Variants in PTGES2 observed in about 807,000 individuals in gnomAD.
PTGES2 encodes prostaglandin E synthase 2.
Under a neutral mutation model 44.5 loss-of-function variants are expected in PTGES2, and 35 were observed. That is an observed-to-expected ratio of 0.79 (90% confidence interval 0.60 to 1.04). The LOEUF (loss-of-function observed/expected upper bound fraction) is 1.04, where lower values mean the gene tolerates loss of function less well. Among genes scored for constraint, PTGES2 ranks in the 50% least tolerant of loss-of-function variants. PTGES2 has a pLI of 0.00. For synonymous variants in PTGES2, 221 were observed against 227.5 expected (o/e 0.97, Z 0.26); for missense variants, 517 against 521.4 (o/e 0.99, Z 0.08).
chr9:128,122,587 C>T, intron 5 of PTGES2, 108 bp from the exon 6 acceptor site: 1 of 902,378 alleles, frequency 1.1e-6, no homozygotes, highest in Non-Finnish European at 1.8e-6. Flanking sequence ...AGGACGGCAC[C>T]CCAGGTGAGA....
At position 128,127,714 on chromosome 9, in the gene PTGES2, C is replaced by G; in HGVS notation, c.4G>C (p.Asp2His). M[D>H]PAARVVRALW... ...GCCCGCACCACCCGCGCAGCCGGGTCCATGTTCGCTCCGCCGGCGCCGCGG... is the reference window on the plus strand; with the variant it reads ...GCCCGCACCACCCGCGCAGCCGGGTGCATGTTCGCTCCGCCGGCGCCGCGG... Residue 2 changes from aspartate (D) to histidine (H), a missense_variant, in exon 1 of 7, where the codon GAC becomes CAC. By Grantham distance (81) the Asp-to-His change is moderately conservative. Coordinates refer to ENST00000338961, the MANE Select transcript of PTGES2 (RefSeq NM_025072.7). 7.9e-7 allele frequency: 1 copy of G among 1,267,018 alleles called. No individual in the cohort carries two copies. Among genetic ancestry groups the G allele is most frequent in the Non-Finnish European group, 9.9e-7 (1 of 1,007,774 alleles). 78.5% of individuals were successfully genotyped at this position (1,267,018 alleles called of 1,614,324 possible).
Position 128,120,973 on chromosome 9 carries a change from C to T in PTGES2, c.*172G>A. The stretch of plus-strand genomic sequence containing the variant: ...AGGGCTGGAACTCGTCCCTAACATC[C>T]CTGAGCCCCAGCAGGTGCCCTGTGT... On this transcript the variant is annotated 3_prime_UTR_variant, in exon 7 of 7. Transcript: ENST00000338961. 3 of 835,180 alleles carry T rather than the reference C, an allele frequency of 3.6e-6. No homozygotes were observed. In the South Asian group the frequency reaches 5.3e-5, roughly 15 times the overall value. 51.7% of individuals were successfully genotyped at this position (835,180 alleles called of 1,614,324 possible).
In PTGES2 at chr9:128,122,517, CA is replaced by C. The variant is rs766569563; in HGVS notation, c.888-39del. The stretch of plus-strand genomic sequence containing the variant: ...GGGAAAAGCCCCTCAGGGGAGCCCC[CA>C]CTCCCAGCCCAGCAGGGAAGAGGGT... On this transcript the variant is annotated intron_variant, in intron 5 of 6. Transcript: ENST00000338961. 1.1e-4 allele frequency: 165 copies of C among 1,563,172 alleles called. 1 individual carries two copies. In the Admixed American group the frequency reaches 2.7e-3, roughly 25 times the overall value.
In PTGES2 at chr9:128,123,652, G is replaced by C. The variant is rs773041169; in HGVS notation, c.686+50C>G. ...TTGCTCAGCTTGGTCCTACTCTACA[G>C]AAGACCCCTGCGGTCACCACCTTCC... On this transcript the variant is annotated intron_variant, in intron 4 of 6. Transcript: ENST00000338961. The surrounding 1 kb of genome is among the most constrained non-coding windows in gnomAD (Gnocchi z 4.4). 6.3e-7 allele frequency: 1 copy of C among 1,578,266 alleles called. No homozygotes were observed. The highest frequency in any genetic ancestry group is 8.6e-7 in the Non-Finnish European group (1 of 1,156,204).
At position 128,123,918 on chromosome 9, in the gene PTGES2, G is replaced by A. The variant is rs552100658; in HGVS notation, c.537-67C>T. 30 of 1,557,762 alleles carry A rather than the reference G, an allele frequency of 1.9e-5. No homozygotes were observed. The highest frequency in any genetic ancestry group is 5.4e-5 in the African/African-American group (4 of 73,982). On this transcript the variant is annotated intron_variant, in intron 3 of 6. Transcript: ENST00000338961. The surrounding 1 kb of genome is among the most constrained non-coding windows in gnomAD (Gnocchi z 4.4). ...CCGTCCCCTGTGGCCGACCAACCCC[G>A]CTGCCCCAGCCTCAGAGTGGAGCCA... is the stretch of plus-strand genomic sequence containing the variant.
At chr9:128,127,191 C>CAAAAAAAAAAAAAAAAAAAAAA in intron 1 of PTGES2, among the ~76,000 whole-genome samples, 1 of 24,490 alleles carries the variant, frequency 4.1e-5, no homozygotes, top group Non-Finnish European at 8.2e-5. Context: ...ATAAACAAAC[C>CAAAAAAAAAAAAAAAAAAAAAA]AAAAAAAAAA....
At position 128,122,950 on chromosome 9, in the gene PTGES2, T is replaced by C; in HGVS notation, c.871A>G (p.Lys291Glu). The C allele has an allele frequency of 6.2e-7, 1 of 1,614,078 alleles. No homozygotes were observed. Among genetic ancestry groups the C allele is most frequent in the Non-Finnish European group, 8.5e-7 (1 of 1,180,020 alleles). The stretch of plus-strand genomic sequence containing the variant: ...CACACTTGCCTGCTCTTGAGTCGCT[T>C]GCTGATGAGGTACATGGCCGCTGCA... ...MGAAAMYLIS[K>E]RLKSRHRLQD... Residue 291 changes from lysine (K) to glutamate (E), a missense_variant, in exon 5 of 7, where the codon AAG becomes GAG. Coordinates refer to ENST00000338961, the MANE Select transcript of PTGES2 (RefSeq NM_025072.7).
intron 6 of PTGES2, among the ~76,000 whole-genome samples, chr9:128,121,622 T>C (rs1286200295): frequency 6.6e-6 from 1 of 152,070 alleles, no homozygotes; most frequent in African/African-American, 2.4e-5. Context: ...GTTTTAAAAA[T>C]GAGCAGTGGG....
At chr9:128,122,556 G>T in intron 5 of PTGES2, 77 bp from the exon 6 acceptor site, 1 of 1,286,642 alleles carries the variant, frequency 7.8e-7, no homozygotes, top group Non-Finnish European at 1.1e-6. Context: ...CCTCTGGGGA[G>T]AGGGGGGAGG....
chr9:128,127,786 G>T, upstream of PTGES2: 1 of 1,226,198 alleles, frequency 8.2e-7, no homozygotes, highest in Non-Finnish European at 1.0e-6. Flanking sequence ...GCGTTTAAAG[G>T]GCCAGGACTC....
At chr9:128,122,719 G>A (rs1039994497) in intron 5 of PTGES2, 1 of 642,560 alleles carries the variant, frequency 1.6e-6, no homozygotes, top group African/African-American at 1.8e-5. Context: ...CAGGCTTCCG[G>A]CTTCAAGGCC....
At chr9:128,121,329 C>T in intron 6 of PTGES2, 56 bp from the exon 7 acceptor site, 2 of 1,566,612 alleles carry the variant, frequency 1.3e-6, no homozygotes, top group Non-Finnish European at 1.7e-6. Context: ...ATCCAGACCT[C>T]CTTCGTTCCC....
At chr9:128,121,351 T>G in intron 6 of PTGES2, 78 bp from the exon 7 acceptor site, 2 of 1,531,004 alleles carry the variant, frequency 1.3e-6, no homozygotes, top group Non-Finnish European at 1.8e-6. Context: ...GCCAGCTGTG[T>G]GGCCAGGTCC....
At chr9:128,125,568 G>T in intron 1 of PTGES2, 127 bp from the exon 2 acceptor site, 1 of 850,558 alleles carries the variant, frequency 1.2e-6, no homozygotes, top group Non-Finnish European at 1.8e-6. Context: ...AACTAGAGAT[G>T]GAAGGGGGCG....
In PTGES2 at chr9:128,123,139, G is replaced by A. The variant is rs202058563; in HGVS notation, c.687-5C>T. ...TGCCGCCACTTCATCTCCTCCCTGC[G>A]GGCACGGGAGGGACTTCCTAAGCCA... On this transcript the variant is annotated splice_polypyrimidine_tract_variant and splice_region_variant and intron_variant, in intron 4 of 6. Transcript: ENST00000338961. The surrounding 1 kb of genome is among the most constrained non-coding windows in gnomAD (Gnocchi z 4.4). 2.0e-4 allele frequency: 316 copies of A among 1,606,968 alleles called. 1 individual carries two copies. The highest frequency in any genetic ancestry group is 3.5e-4 in the South Asian group (32 of 91,004).
upstream of PTGES2, chr9:128,127,820 G>C: frequency 8.9e-7 from 1 of 1,118,790 alleles, no homozygotes; most frequent in Non-Finnish European, 1.1e-6. Context: ...GTTGGCCGGG[G>C]TGAGGGCGAC....
chr9:128,120,864 C>T lies in PTGES2; in HGVS notation c.*281G>A, dbSNP rs1834380283. ...AGGGCCCCCACCCACAGGATGTAGC[C>T]ATGGGACAGCCACTGAGGGTCCAGG... On this transcript the variant is annotated 3_prime_UTR_variant, in exon 7 of 7. Transcript: ENST00000338961. 2.1e-6 allele frequency: 1 copy of T among 472,052 alleles called. No homozygotes were observed. The highest frequency in any genetic ancestry group is 2.8e-5 in the South Asian group (1 of 35,670). 29.2% of individuals were successfully genotyped at this position (472,052 alleles called of 1,614,324 possible).
At position 128,123,996 on chromosome 9, in the gene PTGES2, G is replaced by A. The variant is rs1047752620; in HGVS notation, c.537-145C>T. The A allele has an allele frequency of 9.9e-6, 9 of 904,574 alleles. No homozygotes were observed. The African/African-American group carries it at 1.5e-4, about 15-fold the overall frequency. 56.0% of individuals were successfully genotyped at this position (904,574 alleles called of 1,614,324 possible). A position where few individuals can be genotyped will look rare whatever the true frequency, so the allele number is the denominator to read the frequency against. ...GCAGTAAGAGGGATTTGGAGTAGAT[G>A]CCAGGGCTACCTCCCCAAGAGAGGG... On this transcript the variant is annotated intron_variant, in intron 3 of 6. Coordinates refer to ENST00000338961, the MANE Select transcript of PTGES2 (RefSeq NM_025072.7). This position sits in a 1 kb window ranked among gnomAD's most constrained non-coding sequence, Gnocchi z 4.4.
chr9:128,125,918 T>C (rs1485790635), intron 1 of PTGES2, among the ~76,000 whole-genome samples: 2 of 152,218 alleles, frequency 1.3e-5, no homozygotes, highest in African/African-American at 4.8e-5. Context: ...TCTTGTTTTT[T>C]TCTCTGGAGA....
Sources: gnomAD v4.1 joint callset for allele counts (sites outside exome capture counted in the v4.1 genomes callset) on GRCh38, gnomAD v4.1.1 for gene constraint, Gnocchi (gnomAD v3.1) non-coding constraint, MANE v1.5 for transcripts, NCBI Gene and HGNC (gene_info 2026-07-23, HGNC 2026-07-21) for gene names.